The following PDGFRL variants were observed in gnomAD, a reference collection of about 807,000 sequenced individuals.
The protein encoded by PDGFRL is platelet-derived growth factor receptor-like protein.
A neutral mutation model predicts 37.2 loss-of-function variants in PDGFRL; 46 were observed. That is an observed-to-expected ratio of 1.24 (90% CI 0.98 to 1.58). The LOEUF is 1.58. PDGFRL is among the 40% of genes most tolerant of loss of function. PDGFRL has a pLI of 0.00. For missense variants in PDGFRL, 692 were observed against 467.6 expected (o/e 1.48, Z -4.43); for synonymous variants, 251 against 184.3 (o/e 1.36, Z -2.93).
At chr8:17,606,904 T>TTTG (rs1804293283) in intron 2 of PDGFRL, among the ~76,000 whole-genome samples, 1 of 144,954 alleles carries the variant, frequency 6.9e-6, no homozygotes, top group African/African-American at 2.6e-5. Context: ...GTTTTTTTTT[T>TTTG]TTTTTTTTTG....
chr8:17,600,268 T>G (rs1160021905), intron 2 of PDGFRL, among the ~76,000 whole-genome samples: 1 of 152,152 alleles, frequency 6.6e-6, no homozygotes, highest in Admixed American at 6.5e-5. Context: ...TTTAGCTGAG[T>G]GAAGCATCGT....
chr8:17,625,452 G>GTT lies in PDGFRL; in HGVS notation c.506-3025_506-3024dup, dbSNP rs11446187. On this transcript the variant is annotated intron_variant, in intron 3 of 5. Coordinates refer to ENST00000251630, the MANE Select transcript of PDGFRL (RefSeq NM_001372073.1). ...GGCGTGAGCCACTGCACCTGGTCGA[G>GTT]TTTTTTTTTTTAATCTAAAATCCCA... Among the ~76,000 whole-genome samples the GTT allele has an allele frequency of 7.3e-3, 1,079 of 148,152 alleles. 4 individuals are homozygous for GTT. Among genetic ancestry groups the GTT allele is most frequent in the Non-Finnish European group, 0.011 (741 of 66,968 alleles).
intron 2 of PDGFRL, among the ~76,000 whole-genome samples, chr8:17,608,924 A>G (rs147979557): frequency 1.3e-3 from 196 of 152,312 alleles, no homozygotes; most frequent in African/African-American, 4.6e-3. Context: ...TGTACAAAGC[A>G]GAGCCAAGGA....
chr8:17,642,578 C>G (rs200579689), intron 5 of PDGFRL, 35 bp from the exon 6 acceptor site: 1 of 1,373,744 alleles, frequency 7.3e-7, no homozygotes, highest in Non-Finnish European at 1.0e-6. Flanking sequence ...CAGCTTGTCC[C>G]TCTTGCTTCA....
chr8:17,595,990 C>T (rs1804044270), intron 2 of PDGFRL, among the ~76,000 whole-genome samples: 1 of 152,212 alleles, frequency 6.6e-6, no homozygotes, highest in South Asian at 2.1e-4. Flanking sequence ...AGTCCTCAAC[C>T]TTACTGGCAG....
intron 2 of PDGFRL, among the ~76,000 whole-genome samples, chr8:17,604,604 A>T (rs1804233968): frequency 6.6e-6 from 1 of 152,088 alleles, no homozygotes; most frequent in Non-Finnish European, 1.5e-5. Context: ...GGGATGGGAG[A>T]GGGATAGCAT....
chr8:17,591,466 G>C (rs1312153969), intron 2 of PDGFRL, among the ~76,000 whole-genome samples: 1 of 152,216 alleles, frequency 6.6e-6, no homozygotes, highest in African/African-American at 2.4e-5. Context: ...AACTCTGCCA[G>C]TTCTCAGTTT....
At chr8:17,596,360 G>A (rs1425667645) in intron 2 of PDGFRL, 31 of 1,230,428 alleles carry the variant, frequency 2.5e-5, no homozygotes, top group Admixed American at 3.7e-5. Context: ...CAACGCGCCC[G>A]CAGGACCGGC....
chr8:17,623,822 C>G (rs1379501818), intron 3 of PDGFRL, among the ~76,000 whole-genome samples: 1 of 148,740 alleles, frequency 6.7e-6, no homozygotes, highest in Non-Finnish European at 1.5e-5. Context: ...TGCAGTGAGT[C>G]AAGATTGCGC....
intron 2 of PDGFRL, among the ~76,000 whole-genome samples, chr8:17,620,621 A>G (rs1439929573): frequency 1.3e-5 from 2 of 152,206 alleles, no homozygotes; most frequent in African/African-American, 4.8e-5. Flanking sequence ...AATGTATAAT[A>G]TTGCATTTTC....
intron 1 of PDGFRL, among the ~76,000 whole-genome samples, chr8:17,580,023 A>G (rs963154604): frequency 3.9e-5 from 6 of 152,136 alleles, no homozygotes; most frequent in South Asian, 2.1e-4. Context: ...ATATTTCCTG[A>G]CTTTTGATTA....
At chr8:17,590,200 C>T (rs1263175954) in intron 2 of PDGFRL, among the ~76,000 whole-genome samples, 1 of 112,626 alleles carries the variant, frequency 8.9e-6, no homozygotes, top group Admixed American at 1.2e-4. Flanking sequence ...CAGTGCACTC[C>T]ATCCAGCCTG....
Position 17,621,082 on chromosome 8 carries a change from A to G in PDGFRL, c.385A>G (p.Thr129Ala), listed in dbSNP as rs1473886693. The change falls in exon 3 of 6, where the codon ACT becomes GCT. Residue 129 changes from threonine to alanine, a missense_variant. Thr to Ala is a moderately conservative substitution (Grantham distance 58). Coordinates refer to ENST00000251630, the MANE Select transcript of PDGFRL (RefSeq NM_001372073.1). ...GCAGAATGAGCGCTACGGCCAGTTG[A>G]CTCTGGTCAACTCCACCTCGGCAGA... ...VKQNERYGQL[T>A]LVNSTSADTG... The G allele has an allele frequency of 8.1e-6, 13 of 1,610,270 alleles. No homozygotes were observed. The highest frequency in any genetic ancestry group is 1.1e-5 in the Non-Finnish European group (13 of 1,177,630).
chr8:17,584,784 C>A (rs1222292299), intron 1 of PDGFRL, among the ~76,000 whole-genome samples: 1 of 151,150 alleles, frequency 6.6e-6, no homozygotes. Context: ...CTGATCCAGA[C>A]CGCAAGAAAA....
At chr8:17,593,263 A>G (rs2588147) in intron 2 of PDGFRL, among the ~76,000 whole-genome samples, 130,026 of 151,790 alleles carry the variant, frequency 0.86, 57,663 homozygotes, top group Non-Finnish European at 0.97. Flanking sequence ...ATATTTATGT[A>G]CAGTAAAAAA....
chr8:17,589,712 A>C lies in PDGFRL; in HGVS notation c.300A>C (p.Arg100Ser). 6.2e-7 allele frequency: 1 copy of C among 1,613,602 alleles called. No homozygotes were observed. The highest frequency in any genetic ancestry group is 8.5e-7 in the Non-Finnish European group (1 of 1,179,644). The change falls in exon 2 of 6, where the codon AGA (arginine) becomes AGC (serine). Residue 100 changes from arginine to serine, a missense_variant. Arg to Ser is a moderately radical substitution (Grantham distance 110). Transcript: ENST00000251630. ...QTVELRCKGS[R>S]IGWSYPAYLD... ...TAGAGCTTCGATGTAAAGGGAGTAGAATTGGGTGGAGCTACCCTGCGTATC... is the reference window on the plus strand; with the variant it reads ...TAGAGCTTCGATGTAAAGGGAGTAGCATTGGGTGGAGCTACCCTGCGTATC...
In PDGFRL at chr8:17,634,214, G is replaced by GT. The variant is rs772496859; in HGVS notation, c.939+2dup. The stretch of plus-strand genomic sequence containing the variant: ...CACCTGGATCTTCCCAGGGCAGAAG[G>GT]TAAGTGTTGTACCTGCATCTCAGCC... On this transcript the variant is annotated splice_donor_variant, in intron 5 of 5. Transcript: ENST00000251630. LOFTEE classifies it high-confidence loss of function. 6.2e-7 allele frequency: 1 copy of GT among 1,608,682 alleles called. No homozygotes were observed. The highest frequency in any genetic ancestry group is 1.3e-5 in the African/African-American group (1 of 74,844).
chr8:17,640,254 T>C (rs1300189246), intron 5 of PDGFRL, among the ~76,000 whole-genome samples: 11 of 152,250 alleles, frequency 7.2e-5, no homozygotes, highest in Non-Finnish European at 1.5e-5. Context: ...GCTTAATAAC[T>C]GACCTTCTGA....
intron 2 of PDGFRL, among the ~76,000 whole-genome samples, chr8:17,594,950 G>T (rs2150816835): frequency 6.6e-6 from 1 of 152,260 alleles, no homozygotes; most frequent in East Asian, 1.9e-4. Flanking sequence ...ATTTCTTTGA[G>T]ATTCTGCTTT....
Sources: gnomAD v4.1 joint callset for allele counts (sites outside exome capture counted in the v4.1 genomes callset) on GRCh38, gnomAD v4.1.1 for gene constraint, MANE v1.5 for transcripts, NCBI Gene and HGNC (gene_info 2026-07-23, HGNC 2026-07-21) for gene names.